The following CMTR1 variants were observed in gnomAD, a reference collection of about 807,000 sequenced individuals.
CMTR1 encodes cap-specific mRNA (nucleoside-2'-O-)-methyltransferase 1.
CMTR1 carries 39 observed loss-of-function variants against 107.0 expected under a neutral mutation model. The observed-to-expected ratio is 0.36, with a 90% CI of 0.28 to 0.48. The LOEUF (loss-of-function observed/expected upper bound fraction) is 0.48. Ranked by LOEUF, CMTR1 falls within the 20% of genes least tolerant of loss-of-function variation. The pLI is 0.99. For missense variants in CMTR1, 672 were observed against 1,064.9 expected (o/e 0.63, Z 5.14); for synonymous variants, 366 against 379.5 (o/e 0.96, Z 0.41).
the CMTR1 span, among the ~76,000 whole-genome samples, chr6:37,426,693 G>A: frequency 1.1e-4 from 17 of 152,008 alleles, no homozygotes; most frequent in Non-Finnish European, 1.0e-4. Context: ...ACCACCACAC[G>A]TGGCCAATTT....
intron 2 of CMTR1, 76 bp from the exon 3 acceptor site, chr6:37,443,923 A>C: frequency 6.6e-7 from 1 of 1,513,154 alleles, no homozygotes; most frequent in Non-Finnish European, 9.0e-7. Flanking sequence ...ACAGTAGTTG[A>C]ATAAATGAAA....
intron 13 of CMTR1, 96 bp from the exon 14 acceptor site, chr6:37,470,925 T>C: frequency 4.2e-6 from 4 of 958,720 alleles, no homozygotes; most frequent in Non-Finnish European, 6.1e-6. Context: ...TCACCAAATA[T>C]AGATGGCCAC....
chr6:37,430,343 G>A (rs1300153741), upstream of CMTR1, among the ~76,000 whole-genome samples: 1 of 152,028 alleles, frequency 6.6e-6, no homozygotes, highest in Non-Finnish European at 1.5e-5. Context: ...TTTCCATTTT[G>A]ACAGGAATTG....
chr6:37,448,204 C>G (rs2113870205), intron 4 of CMTR1, among the ~76,000 whole-genome samples: 1 of 108,574 alleles, frequency 9.2e-6, no homozygotes, highest in Middle Eastern at 6.2e-3. Context: ...GTGAGAGATT[C>G]CGTCTCAAAA....
rs143897161 is a variant in CMTR1 at position 37,477,610 on chromosome 6, A to G, written c.2124A>G (p.Arg708=). The G allele has an allele frequency of 5.6e-6, 9 of 1,612,804 alleles. No individual in the cohort carries two copies. In the African/African-American group the frequency reaches 1.2e-4, roughly 22 times the overall value. ...CCTGCAGGGTGAAGGAGGTGTACAG[A>G]CTGGAAGAGATGGAGAAGATTTTTG... ...MNPIRVKEVY[R]LEEMEKIFVR... The change falls in exon 21 of 24, where the codon AGA becomes AGG. Residue 708 remains arginine (R), a synonymous_variant. Coordinates refer to ENST00000373451, the MANE Select transcript of CMTR1 (RefSeq NM_015050.3).
At chr6:37,453,441 C>A in intron 8 of CMTR1, 129 bp downstream of exon 8, 1 of 870,292 alleles carries the variant, frequency 1.1e-6, no homozygotes, top group East Asian at 2.5e-5. Context: ...TTGCTTTGAG[C>A]TCCTCAGATA....
chr6:37,448,539 G>A (rs1416384348), intron 4 of CMTR1, among the ~76,000 whole-genome samples: 1 of 152,152 alleles, frequency 6.6e-6, no homozygotes, highest in African/African-American at 2.4e-5. Context: ...TTGACCAGGA[G>A]AAGAAGCCAT....
rs763669789 is a variant in CMTR1 at position 37,479,132 on chromosome 6, T to A, written c.2267-15T>A. On this transcript the variant is annotated splice_polypyrimidine_tract_variant and intron_variant, in intron 22 of 23. Transcript: ENST00000373451. ...TGTGTCCCTTCTGGGCTTCATCCCC[T>A]CTTCCTCCCATCAGAGCCCTGGACT... 6.3e-7 allele frequency: 1 copy of A among 1,594,304 alleles called. No homozygotes were observed. The highest frequency in any genetic ancestry group is 1.1e-5 in the South Asian group (1 of 90,664).
chr6:37,472,338 C>G lies in CMTR1; in HGVS notation c.1621-81C>G, dbSNP rs764937498. 7.4e-4 allele frequency: 957 copies of G among 1,293,318 alleles called. No individual in the cohort carries two copies. The highest frequency in any genetic ancestry group is 9.8e-4 in the Non-Finnish European group (875 of 889,312). The allele number at this position is 1,293,318 out of a possible 1,614,324, so 80.1% of individuals were successfully genotyped here. ...TTCCTCCTCCCCAGTCTGACCCTATCTCCTCCACCTGCATATACTCATACA... is the reference window on the plus strand; with the variant it reads ...TTCCTCCTCCCCAGTCTGACCCTATGTCCTCCACCTGCATATACTCATACA... On this transcript the variant is annotated intron_variant, in intron 15 of 23. Coordinates refer to ENST00000373451, the MANE Select transcript of CMTR1 (RefSeq NM_015050.3). This position sits in a 1 kb window ranked among gnomAD's most constrained non-coding sequence, Gnocchi z 4.1.
At chr6:37,435,596 A>G in intron 1 of CMTR1, 28 bp from the exon 2 acceptor site, 1 of 1,588,854 alleles carries the variant, frequency 6.3e-7, no homozygotes, top group Non-Finnish European at 8.5e-7. Flanking sequence ...ACCCAAGGGC[A>G]GCTGACTGAC....
intron 3 of CMTR1, among the ~76,000 whole-genome samples, 197 bp downstream of exon 3, chr6:37,444,347 C>T (rs1771737947): frequency 1.3e-5 from 2 of 152,218 alleles, no homozygotes; most frequent in African/African-American, 2.4e-5. Context: ...GCAGCAACTG[C>T]TTAGGCCTGT....
upstream of CMTR1, among the ~76,000 whole-genome samples, chr6:37,429,927 G>C (rs143529364): frequency 3.7e-3 from 535 of 142,962 alleles, 4 homozygotes; most frequent in African/African-American, 0.013. Flanking sequence ...GACAGATCAA[G>C]ACTCTGTCTC....
intron 4 of CMTR1, among the ~76,000 whole-genome samples, chr6:37,448,326 C>T (rs111368175): frequency 2.4e-4 from 36 of 151,902 alleles, no homozygotes; most frequent in Middle Eastern, 3.4e-3. Context: ...CGGATAAATG[C>T]TCAGTGGCTA....
intron 9 of CMTR1, among the ~76,000 whole-genome samples, chr6:37,459,169 C>T (rs1409454100): frequency 2.6e-5 from 4 of 152,254 alleles, no homozygotes; most frequent in African/African-American, 9.6e-5. Flanking sequence ...CCCTCTGTGC[C>T]AGGTGCAGAA....
At chr6:37,459,284 CA>C (rs1319461557) in intron 9 of CMTR1, among the ~76,000 whole-genome samples, 3 of 152,230 alleles carry the variant, frequency 2.0e-5, no homozygotes, top group African/African-American at 7.2e-5. Flanking sequence ...GTCCTTATTA[CA>C]AAATTGATGC....
At chr6:37,426,481 C>T in the CMTR1 span, among the ~76,000 whole-genome samples, 1 of 151,366 alleles carries the variant, frequency 6.6e-6, no homozygotes, top group Admixed American at 6.6e-5. Context: ...TTGAGTAGTG[C>T]AGGTTGTCTC....
intron 8 of CMTR1, among the ~76,000 whole-genome samples, chr6:37,455,571 A>G (rs1562121711): frequency 6.6e-6 from 1 of 152,144 alleles, no homozygotes; most frequent in African/African-American, 2.4e-5. Flanking sequence ...AGTGCCTGGG[A>G]ATGTTGTTGA....
intron 13 of CMTR1, among the ~76,000 whole-genome samples, chr6:37,464,731 A>G (rs1761470831): frequency 6.6e-6 from 1 of 151,898 alleles, no homozygotes; most frequent in Admixed American, 6.6e-5. Context: ...AGATATTTCC[A>G]GTTTGGGGCT....
Position 37,480,876 on chromosome 6 carries a change from A to T in CMTR1, c.*731A>T, listed in dbSNP as rs535142576. On this transcript the variant is annotated 3_prime_UTR_variant, in exon 24 of 24. Transcript: ENST00000373451. ...GAGTTGTAGAGCCATCCTAGGTGCCATCCCCTTTTGGTCCAAACATTGGGC... is the reference window on the plus strand; with the variant it reads ...GAGTTGTAGAGCCATCCTAGGTGCCTTCCCCTTTTGGTCCAAACATTGGGC... 6 of 1,195,038 alleles carry T rather than the reference A, an allele frequency of 5.0e-6. No individual in the cohort carries two copies. The highest frequency in any genetic ancestry group is 1.6e-5 in the African/African-American group (1 of 62,540). 74.0% of individuals were successfully genotyped at this position (1,195,038 alleles called of 1,614,324 possible).
Sources: gnomAD v4.1 joint callset for allele counts (sites outside exome capture counted in the v4.1 genomes callset) on GRCh38, gnomAD v4.1.1 for gene constraint, Gnocchi (gnomAD v3.1) non-coding constraint, MANE v1.5 for transcripts, NCBI Gene and HGNC (gene_info 2026-07-23, HGNC 2026-07-21) for gene names.